LLGL2: variants seen among roughly 807,000 people sequenced by gnomAD.
LLGL2 encodes LLGL2, scribble cell polarity complex component.
In LLGL2, 81 loss-of-function variants were observed where a neutral mutation model predicts 123.2. That is an observed-to-expected ratio of 0.66 (90% CI 0.55 to 0.79). The LOEUF is 0.79. Ranked by LOEUF, LLGL2 falls within the 30% of genes least tolerant of loss-of-function variation. The pLI is 0.00. For synonymous variants in LLGL2, 577 were observed against 594.1 expected, an observed-to-expected ratio of 0.97 and a Z score of 0.42; for missense variants, 1,273 against 1,414.6, an observed-to-expected ratio of 0.90 and a Z score of 1.61.
intron 1 of LLGL2, among the ~76,000 whole-genome samples, chr17:75,542,302 G>T (rs897522368): frequency 2.0e-5 from 3 of 152,096 alleles, no homozygotes; most frequent in Non-Finnish European, 4.4e-5. Context: ...CCCTCCTGCA[G>T]TCAAAGCACT....
chr17:75,562,323 T>G (rs1474406162), intron 6 of LLGL2: 1 of 152,794 alleles, frequency 6.5e-6, no homozygotes, highest in Non-Finnish European at 1.5e-5. Context: ...TTTAACAGAT[T>G]CTTGTAGAGC....
chr17:75,556,233 CTGTTGGGATAA>C, intron 3 of LLGL2, 90 bp downstream of exon 3: 3 of 1,012,250 alleles, frequency 3.0e-6, no homozygotes, highest in Non-Finnish European at 4.5e-6. Flanking sequence ...TGCCCGTGGG[CTGTTGGGATAA>C]AATGAGGGAC....
At chr17:75,531,782 G>A (rs1485342697) in intron 1 of LLGL2, among the ~76,000 whole-genome samples, 1 of 152,156 alleles carries the variant, frequency 6.6e-6, no homozygotes, top group Non-Finnish European at 1.5e-5. Context: ...CCTTTGGGGT[G>A]GCCTTCCCCA....
In LLGL2 at chr17:75,551,617, G is replaced by A. The variant is rs189959716; in HGVS notation, c.76-4429G>A. ...AGGAAAGATGCTGAGCCGAACAGGA[G>A]TAGTGACTCTGGTGAAATGTTAGAA... On this transcript the variant is annotated intron_variant, in intron 2 of 25. Transcript: ENST00000392550. Among the ~76,000 whole-genome samples the A allele has an allele frequency of 3.9e-5, 6 of 152,292 alleles. No homozygotes were observed. The South Asian group carries it at 8.3e-4, about 21-fold the overall frequency.
intron 1 of LLGL2, among the ~76,000 whole-genome samples, chr17:75,534,436 C>T (rs575212339): frequency 7.2e-5 from 11 of 152,026 alleles, no homozygotes; most frequent in East Asian, 1.9e-4. Context: ...CTGACCTGAG[C>T]GGAGGATTCT....
chr17:75,574,819 G>A, intron 25 of LLGL2, 52 bp from the exon 26 acceptor site: 2 of 1,609,034 alleles, frequency 1.2e-6, no homozygotes, highest in African/African-American at 1.3e-5. Flanking sequence ...GGGCGGCTGG[G>A]GCACCCCGTC....
At chr17:75,562,730 AG>A in intron 6 of LLGL2, 1 of 411,734 alleles carries the variant, frequency 2.4e-6, no homozygotes, top group Non-Finnish European at 4.5e-6. Context: ...CACCACGCCC[AG>A]CTAATGTTTT....
chr17:75,572,939 A>C, intron 19 of LLGL2, 75 bp from the exon 20 acceptor site: 28 of 1,476,632 alleles, frequency 1.9e-5, no homozygotes, highest in East Asian at 4.6e-5. Context: ...TGGGGAGGGG[A>C]GGGCCCAGCA....
At chr17:75,535,166 G>T (rs929957072) in intron 1 of LLGL2, among the ~76,000 whole-genome samples, 1 of 152,242 alleles carries the variant, frequency 6.6e-6, no homozygotes, top group Non-Finnish European at 1.5e-5. Context: ...TGCCTCTGTG[G>T]TTTAGATCCC....
At chr17:75,574,031 A>G (rs1331576303) in intron 22 of LLGL2, 51 bp downstream of exon 22, 2 of 1,550,028 alleles carry the variant, frequency 1.3e-6, no homozygotes, top group East Asian at 4.9e-5. Context: ...CCCGGCCCAG[A>G]CCTGGGGCTG....
At chr17:75,568,733 G>A in intron 11 of LLGL2, 39 bp from the exon 12 acceptor site, 1 of 1,612,860 alleles carries the variant, frequency 6.2e-7, no homozygotes, top group South Asian at 1.1e-5. Flanking sequence ...CCCACCGCAA[G>A]CCAAACTCTC....
intron 6 of LLGL2, among the ~76,000 whole-genome samples, chr17:75,560,952 C>G: frequency 6.6e-6 from 1 of 152,144 alleles, no homozygotes; most frequent in Admixed American, 6.6e-5. Context: ...CTGCCTCAGC[C>G]TTCCGAGTAG....
intron 6 of LLGL2, 136 bp from the exon 7 acceptor site, chr17:75,562,880 C>T (rs2055282265): frequency 8.7e-7 from 1 of 1,150,004 alleles, no homozygotes; most frequent in African/African-American, 1.5e-5. Context: ...ATCCACTGCG[C>T]CCAGCCCCTA....
rs770293309 is a variant in LLGL2 at position 75,569,079 on chromosome 17, CCAA to C, written c.1426_1428del (p.Asn476del). The stretch of plus-strand genomic sequence containing the variant: ...CGCGTGTTCCTCACCGACACGGACC[CCAA>C]CGAGAACTTCAGTGCCCAGGGCGAG... On this transcript the variant is annotated inframe_deletion, in exon 13 of 26. Coordinates refer to ENST00000392550, the MANE Select transcript of LLGL2 (RefSeq NM_001031803.2). The C allele has an allele frequency of 7.4e-5, 120 of 1,613,252 alleles. No individual in the cohort carries two copies. The highest frequency in any genetic ancestry group is 1.6e-4 in the Middle Eastern group (1 of 6,062).
In LLGL2 at chr17:75,559,393, G is replaced by A. The variant is rs553929286; in HGVS notation, c.513G>A (p.Ser171=). The change falls in exon 6 of 26, where the codon TCG becomes TCA. Residue 171 remains serine (S), a synonymous_variant. Transcript: ENST00000392550. The surrounding 1 kb of genome is among the most constrained non-coding windows in gnomAD (Gnocchi z 4.6). ...CGCTGGAGGACCGGACCATCAGCTC[G>A]GACGCGGTGCTGCAGCGGTGAGCCC... ...FRALEDRTIS[S]DAVLQRLPEE... 4.0e-5 allele frequency: 64 copies of A among 1,610,366 alleles called. No homozygotes were observed. The East Asian group carries it at 9.8e-4, about 25-fold the overall frequency.
In LLGL2 at chr17:75,562,885, C is replaced by T. The variant is rs1598609034; in HGVS notation, c.531-131C>T. 11 of 1,172,550 alleles carry T rather than the reference C, an allele frequency of 9.4e-6. No individual in the cohort carries two copies. The South Asian group carries it at 1.3e-4, about 14-fold the overall frequency. The allele number at this position is 1,172,550 out of a possible 1,614,324, so 72.6% of individuals were successfully genotyped here. A position where few individuals can be genotyped will look rare whatever the true frequency, so the allele number is the denominator to read the frequency against. ...ACGCTCGGCCATCCACTGCGCCCAG[C>T]CCCTAGCCATATTTCTATGCTGGCA... On this transcript the variant is annotated intron_variant, in intron 6 of 25. Transcript: ENST00000392550.
rs2055720077 is a variant in LLGL2 at position 75,571,768 on chromosome 17, G to T, written c.2278G>T (p.Val760Leu). The T allele has an allele frequency of 6.2e-7, 1 of 1,607,718 alleles. No individual in the cohort carries two copies. Among genetic ancestry groups the T allele is most frequent in the Non-Finnish European group, 8.5e-7 (1 of 1,179,772 alleles). ...CGCCGAGCGGAGAATGGATGAGCCT[G>T]TGCGGGCAGAGCAGGGTGAGTGCTG... is the stretch of plus-strand genomic sequence containing the variant. ...PPAERRMDEP[V>L]RAEQAKEIQL... Residue 760 changes from valine to leucine, a missense_variant, in exon 18 of 26, where the codon GTG becomes TTG. Val to Leu is a conservative substitution (Grantham distance 32, BLOSUM62 1). Coordinates refer to ENST00000392550, the MANE Select transcript of LLGL2 (RefSeq NM_001031803.2).
intron 1 of LLGL2, among the ~76,000 whole-genome samples, chr17:75,527,201 A>G (rs1438638269): frequency 1.3e-5 from 2 of 151,278 alleles, no homozygotes; most frequent in Admixed American, 1.3e-4. Flanking sequence ...TTTGAGGAAA[A>G]CTGTCTGGGT....
In LLGL2 at chr17:75,554,392, G is replaced by A. The variant is rs188679811; in HGVS notation, c.76-1654G>A. ...TTTGGGAGGCCGAGGCAGGAGGATC[G>A]CTTGAGTCTAGAAGGTTAAGACCAG... On this transcript the variant is annotated intron_variant, in intron 2 of 25. Transcript: ENST00000392550. Among the ~76,000 whole-genome samples, 1,051 of 151,780 alleles carry A rather than the reference G, an allele frequency of 6.9e-3. 8 individuals are homozygous for A. The highest frequency in any genetic ancestry group is 0.012 in the Non-Finnish European group (812 of 67,998).
Sources: allele counts gnomAD v4.1 joint callset (sites outside exome capture counted in the v4.1 genomes callset), GRCh38; gene constraint gnomAD v4.1.1; non-coding constraint Gnocchi (gnomAD v3.1); transcripts MANE v1.5; gene names NCBI Gene and HGNC (gene_info 2026-07-23, HGNC 2026-07-21).